The following OXCT1 variants were observed in gnomAD, a reference collection of about 807,000 sequenced individuals.
OXCT1 encodes succinyl-CoA:3-ketoacid coenzyme A transferase 1, mitochondrial.
A neutral mutation model predicts 69.6 loss-of-function variants in OXCT1; 27 were observed. That is an observed-to-expected ratio of 0.39 (90% CI 0.29 to 0.54). OXCT1 has a LOEUF of 0.54. Ranked by LOEUF, OXCT1 falls within the 20% of genes least tolerant of loss-of-function variation. OXCT1 has a pLI of 0.72. For synonymous variants in OXCT1, 202 were observed against 217.8 expected (o/e 0.93, Z 0.64); for missense variants, 437 against 650.2 (o/e 0.67, Z 3.57).
chr5:41,797,330 A>C (rs772361024), intron 11 of OXCT1, among the ~76,000 whole-genome samples: 2 of 152,196 alleles, frequency 1.3e-5, no homozygotes, highest in Non-Finnish European at 2.9e-5. Context: ...ATCATTATCA[A>C]GGCCTCTGCT....
At chr5:41,751,836 T>C (rs1303154240) in intron 14 of OXCT1, among the ~76,000 whole-genome samples, 1 of 152,138 alleles carries the variant, frequency 6.6e-6, no homozygotes, top group Non-Finnish European at 1.5e-5. Context: ...TGGCACCAAA[T>C]GTATTCCTGT....
chr5:41,858,490 A>G (rs1749557417), intron 3 of OXCT1, among the ~76,000 whole-genome samples: 1 of 152,244 alleles, frequency 6.6e-6, no homozygotes, highest in Non-Finnish European at 1.5e-5. Flanking sequence ...TTTAGTAGCC[A>G]ACATTTTTTA....
At chr5:41,840,348 C>A in intron 7 of OXCT1, 103 bp downstream of exon 7, 2 of 866,056 alleles carry the variant, frequency 2.3e-6, no homozygotes, top group South Asian at 1.5e-5. Flanking sequence ...AAAAAGCTGT[C>A]ATTGTTATCC....
intron 16 of OXCT1, among the ~76,000 whole-genome samples, chr5:41,736,102 A>C (rs1475878923): frequency 6.6e-6 from 1 of 152,174 alleles, no homozygotes; most frequent in African/African-American, 2.4e-5. Flanking sequence ...CTTTCTCTCA[A>C]GGGATTCAGC....
chr5:41,836,773 C>T (rs115946688), intron 7 of OXCT1, among the ~76,000 whole-genome samples: 13 of 152,248 alleles, frequency 8.5e-5, no homozygotes, highest in African/African-American at 2.9e-4. Context: ...ACTCACCCAC[C>T]ACTCATCTCC....
chr5:41,807,562 T>C (rs1746746545), intron 7 of OXCT1, 124 bp from the exon 8 acceptor site: 10 of 672,744 alleles, frequency 1.5e-5, no homozygotes, highest in African/African-American at 1.8e-5. Flanking sequence ...AATATGGACA[T>C]ATATCTATGT....
At position 41,753,542 on chromosome 5, in the gene OXCT1, G is replaced by T. The variant is rs564346344; in HGVS notation, c.1339-3935C>A. Among the ~76,000 whole-genome samples, 4 of 152,144 alleles carry T rather than the reference G, an allele frequency of 2.6e-5. No homozygotes were observed. The South Asian group carries it at 8.3e-4, about 32-fold the overall frequency. ...AAACGGCAACACCCTTCCTATTCAG[G>T]AGTTGGCTCAGACACCATCTTCCCT... On this transcript the variant is annotated intron_variant, in intron 14 of 16. Coordinates refer to ENST00000196371, the MANE Select transcript of OXCT1 (RefSeq NM_000436.4).
At chr5:41,866,229 A>T (rs1171508351) in intron 1 of OXCT1, among the ~76,000 whole-genome samples, 1 of 152,086 alleles carries the variant, frequency 6.6e-6, no homozygotes, top group Non-Finnish European at 1.5e-5. Flanking sequence ...TTTAATTTTT[A>T]ACCACCTCAC....
chr5:41,793,921 G>C (rs1746050478), intron 13 of OXCT1, 82 bp downstream of exon 13: 1 of 836,904 alleles, frequency 1.2e-6, no homozygotes, highest in Non-Finnish European at 2.1e-6. Flanking sequence ...AAAGAATCGT[G>C]ATCTCATGGC....
intron 13 of OXCT1, among the ~76,000 whole-genome samples, chr5:41,774,718 A>G (rs1745041109): frequency 6.6e-6 from 1 of 151,828 alleles, no homozygotes; most frequent in African/African-American, 2.4e-5. Context: ...ACACGGTAAA[A>G]CCCCATCTCT....
At chr5:41,841,897 A>T (rs1748643162) in intron 6 of OXCT1, among the ~76,000 whole-genome samples, 1 of 152,232 alleles carries the variant, frequency 6.6e-6, no homozygotes, top group Non-Finnish European at 1.5e-5. Context: ...CTGAGAACTT[A>T]ACTGTAATTG....
intron 5 of OXCT1, among the ~76,000 whole-genome samples, chr5:41,847,832 G>A (rs1419756274): frequency 6.7e-6 from 1 of 149,976 alleles, no homozygotes; most frequent in African/African-American, 2.4e-5. Context: ...CATACTGAAT[G>A]GGCAAAAACT....
chr5:41,831,318 T>C (rs1748085496), intron 7 of OXCT1, among the ~76,000 whole-genome samples: 1 of 152,170 alleles, frequency 6.6e-6, no homozygotes, highest in South Asian at 2.1e-4. Context: ...ATCAGTTAGC[T>C]GCAAATCTAG....
chr5:41,816,901 C>T (rs1002889138), intron 7 of OXCT1, among the ~76,000 whole-genome samples: 14 of 152,116 alleles, frequency 9.2e-5, no homozygotes, highest in African/African-American at 3.1e-4. Flanking sequence ...TAGAGTGTCT[C>T]CTCCGTGGCT....
At chr5:41,766,243 G>A (rs1225072391) in intron 13 of OXCT1, among the ~76,000 whole-genome samples, 1 of 152,076 alleles carries the variant, frequency 6.6e-6, no homozygotes, top group Admixed American at 6.6e-5. Flanking sequence ...GAAAGATTCT[G>A]CAATAAAATG....
intron 15 of OXCT1, 86 bp downstream of exon 15, chr5:41,749,441 C>A: frequency 2.6e-6 from 2 of 765,170 alleles, no homozygotes; most frequent in East Asian, 5.2e-5. Flanking sequence ...CCTATGACTA[C>A]TGGTGTAATA....
intron 11 of OXCT1, among the ~76,000 whole-genome samples, chr5:41,797,747 T>C (rs372296099): frequency 2.0e-5 from 3 of 152,196 alleles, no homozygotes; most frequent in Admixed American, 2.0e-4. Flanking sequence ...AACTTTAACA[T>C]TCATCAGAAT....
chr5:41,731,809 T>C lies in OXCT1; in HGVS notation c.1522-39A>G, dbSNP rs369020686. On this transcript the variant is annotated intron_variant, in intron 16 of 16. Transcript: ENST00000196371. ...AAAAAAAAATCAAATTATGAAAAAC[T>C]GCATGATATAAATCTCTCTCCTTTT... is the stretch of plus-strand genomic sequence containing the variant. The C allele has an allele frequency of 2.5e-6, 4 of 1,584,876 alleles. No individual in the cohort carries two copies. The African/African-American group carries it at 4.0e-5, about 16-fold the overall frequency.
chr5:41,774,223 T>C (rs1745015455), intron 13 of OXCT1, among the ~76,000 whole-genome samples: 1 of 152,224 alleles, frequency 6.6e-6, no homozygotes, highest in South Asian at 2.1e-4. Context: ...GAGTTACTTT[T>C]TTCCTCTATC....
Sources: gnomAD v4.1 joint callset for allele counts (sites outside exome capture counted in the v4.1 genomes callset) on GRCh38, gnomAD v4.1.1 for gene constraint, MANE v1.5 for transcripts, NCBI Gene and HGNC (gene_info 2026-07-23, HGNC 2026-07-21) for gene names.